The following AVEN variants were observed in gnomAD, a reference collection of about 807,000 sequenced individuals.
The protein encoded by AVEN is cell death regulator Aven.
Under a neutral mutation model 38.1 loss-of-function variants are expected in AVEN, and 41 were observed. The observed-to-expected ratio is 1.08, with a 90% confidence interval of 0.84 to 1.40. The LOEUF is 1.40. Ranked by LOEUF, AVEN falls within the 40% of genes most tolerant of loss-of-function variation. The pLI is 0.00. For missense variants in AVEN, 605 were observed against 438.8 expected, an observed-to-expected ratio of 1.38 and a Z score of -3.38; for synonymous variants, 206 against 171.8, an observed-to-expected ratio of 1.20 and a Z score of -1.56.
upstream of AVEN, among the ~76,000 whole-genome samples, chr15:34,041,829 A>G (rs1899488004): frequency 6.6e-6 from 1 of 152,216 alleles, no homozygotes; most frequent in African/African-American, 2.4e-5. Context: ...TGCTCAAGCT[A>G]GTAAGTAACA....
chr15:34,026,471 T>G (rs1159471473), intron 1 of AVEN, among the ~76,000 whole-genome samples: 2 of 152,244 alleles, frequency 1.3e-5, no homozygotes, highest in African/African-American at 2.4e-5. Context: ...AGGTCATACT[T>G]GAGATGAGTT....
intron 2 of AVEN, among the ~76,000 whole-genome samples, chr15:33,928,658 A>T (rs56409882): frequency 0.033 from 5,027 of 152,256 alleles, 121 homozygotes; most frequent in Non-Finnish European, 0.054. Context: ...AGCCATCCTG[A>T]CTTGATTGCC....
chr15:34,039,712 G>A (rs577475790), upstream of AVEN, among the ~76,000 whole-genome samples: 1 of 152,308 alleles, frequency 6.6e-6, no homozygotes, highest in South Asian at 2.1e-4. Flanking sequence ...CAGAATTTCT[G>A]TAGAAATGAC....
intron 1 of AVEN, among the ~76,000 whole-genome samples, chr15:34,009,806 T>TA (rs562145770): frequency 2.7e-4 from 41 of 151,900 alleles, no homozygotes; most frequent in Non-Finnish European, 4.9e-4. Flanking sequence ...CTGAGCAACA[T>TA]AGAGAGCATT....
rs1381411256 is a variant in AVEN, at chr15:34,073,986, C to CTTTTTT, written n.720+449_720+450insAAAAAA. ...TGGAGGAACTTTCTTTTTTCTTCTT[C>CTTTTTT]TTCTTTTTTTTTTTTTTTTTTTTTT... On this transcript the variant is annotated intron_variant and non_coding_transcript_variant, in intron 1 of 11. Coordinates refer to the AVEN transcript ENST00000675287. Among the ~76,000 whole-genome samples the CTTTTTT allele has an allele frequency of 1.0e-3, 114 of 112,186 alleles. 22 individuals carry two copies. The highest frequency in any genetic ancestry group is 4.0e-3 in the African/African-American group (96 of 24,270). The allele number at this position is 112,186 out of a possible 152,430, so 73.6% of individuals were successfully genotyped here. A position where few individuals can be genotyped will look rare whatever the true frequency, so the allele number is the denominator to read the frequency against.
intron 2 of AVEN, among the ~76,000 whole-genome samples, chr15:33,910,636 A>C (rs1051021560): frequency 1.3e-5 from 2 of 152,138 alleles, no homozygotes; most frequent in African/African-American, 2.4e-5. Context: ...AAAATGCCCA[A>C]CTCACCCAAT....
At position 34,063,968 on chromosome 15, in the gene AVEN, C is replaced by G; in HGVS notation, n.1127-536G>C. The G allele has an allele frequency of 6.2e-7, 1 of 1,614,166 alleles. No homozygotes were observed. The highest frequency in any genetic ancestry group is 8.5e-7 in the Non-Finnish European group (1 of 1,180,028). ...TGGCCAAGGAACCTTCAACGAAAGG[C>G]CTCAATCCCAACCCCAGCCATCAAA... is the stretch of plus-strand genomic sequence containing the variant. On this transcript the variant is annotated intron_variant and non_coding_transcript_variant, in intron 4 of 11. Transcript: ENST00000675287. The surrounding 1 kb of genome is among the most constrained non-coding windows in gnomAD (Gnocchi z 4.1).
At chr15:33,871,866 G>C (rs28613512) in intron 3 of AVEN, among the ~76,000 whole-genome samples, 1 of 151,784 alleles carries the variant, frequency 6.6e-6, no homozygotes, top group African/African-American at 2.4e-5. Context: ...GAAGGCCTTA[G>C]ATATAAAGTT....
intron 2 of AVEN, among the ~76,000 whole-genome samples, chr15:33,966,664 T>TGAAAC (rs58324527): frequency 6.6e-6 from 1 of 151,900 alleles, no homozygotes; most frequent in East Asian, 1.9e-4. Context: ...AAAGATGAGA[T>TGAAAC]AAGAGTGAGA....
At chr15:33,887,736 A>C (rs1271908446) in intron 2 of AVEN, among the ~76,000 whole-genome samples, 7 of 152,190 alleles carry the variant, frequency 4.6e-5, no homozygotes. Context: ...AGGGGGTCAC[A>C]TTCTCTCCCT....
In AVEN at chr15:34,073,290, C is replaced by T. The variant is rs1312311514; in HGVS notation, n.720+1146G>A. On this transcript the variant is annotated intron_variant and non_coding_transcript_variant, in intron 1 of 11. Coordinates refer to the AVEN transcript ENST00000675287. ...CAGGATGGTCTCGATTTCCTGACCT[C>T]GTGATCCTCCCTCCTCGGCCTCCCA... 3.5e-5 allele frequency among the ~76,000 whole-genome samples: 5 copies of T among 144,880 alleles called. No homozygotes were observed. In the Admixed American group the frequency reaches 3.5e-4, roughly 10 times the overall value.
chr15:34,065,670 G>A (rs779434211), intron 4 of AVEN: 1 of 152,186 alleles, frequency 6.6e-6, no homozygotes, highest in Non-Finnish European at 1.5e-5. Flanking sequence ...TGACATGCAT[G>A]ACAGCATGAG....
At chr15:34,049,815 A>T (rs777680776) in intron 5 of AVEN, among the ~76,000 whole-genome samples, 3 of 152,154 alleles carry the variant, frequency 2.0e-5, no homozygotes, top group South Asian at 2.1e-4. Context: ...AAGGAAGCCC[A>T]TGAGACTAAC....
chr15:34,032,025 A>ACG (rs948872651), intron 1 of AVEN, among the ~76,000 whole-genome samples: 18 of 150,924 alleles, frequency 1.2e-4, no homozygotes, highest in Middle Eastern at 3.5e-3. Flanking sequence ...GCGCACACGC[A>ACG]CACACACACA....
At chr15:33,993,112 C>T (rs976812148) in intron 2 of AVEN, among the ~76,000 whole-genome samples, 1 of 152,270 alleles carries the variant, frequency 6.6e-6, no homozygotes. Flanking sequence ...TTGAAAGGAA[C>T]AGACAATGCA....
At chr15:33,965,518 C>T (rs1237325828) in intron 2 of AVEN, among the ~76,000 whole-genome samples, 1 of 151,840 alleles carries the variant, frequency 6.6e-6, no homozygotes. Flanking sequence ...TAGGTATGGA[C>T]CAAATGTTCT....
chr15:34,044,499 A>T (rs1567486375), intron 5 of AVEN, among the ~76,000 whole-genome samples: 1 of 152,232 alleles, frequency 6.6e-6, no homozygotes, highest in Non-Finnish European at 1.5e-5. Flanking sequence ...GCAACAGTCA[A>T]GGGCTTCTGT....
intron 1 of AVEN, among the ~76,000 whole-genome samples, chr15:34,023,622 A>C (rs1297442697): frequency 6.6e-6 from 1 of 152,196 alleles, no homozygotes; most frequent in Non-Finnish European, 1.5e-5. Context: ...GAAGAAAATA[A>C]AAAAACTCTC....
chr15:33,946,337 A>G (rs1035260438), intron 2 of AVEN, among the ~76,000 whole-genome samples: 5 of 152,172 alleles, frequency 3.3e-5, no homozygotes, highest in Non-Finnish European at 5.9e-5. Context: ...AAAATCTCAG[A>G]AAGAGCAGTT....
Sources: allele counts gnomAD v4.1 joint callset (sites outside exome capture counted in the v4.1 genomes callset), GRCh38; gene constraint gnomAD v4.1.1; non-coding constraint Gnocchi (gnomAD v3.1); transcripts MANE v1.5; gene names NCBI Gene and HGNC (gene_info 2026-07-23, HGNC 2026-07-21).